Variants in FNDC1 observed in about 807,000 individuals in gnomAD.
FNDC1 encodes fibronectin type III domain containing 1.
A neutral mutation model predicts 168.0 loss-of-function variants in FNDC1; 96 were observed. The ratio of observed to expected loss-of-function variants is 0.57; its 90% CI spans 0.48 to 0.68. The LOEUF (loss-of-function observed/expected upper bound fraction) is 0.68, where lower values mean the gene tolerates loss of function less well. Among genes scored for constraint, FNDC1 ranks in the 30% least tolerant of loss-of-function variants. The probability of loss-of-function intolerance (pLI) is 0.00; values close to 1 mark genes in which losing one functional copy is unlikely to be tolerated. For missense variants in FNDC1, 2,587 were observed against 2,482.1 expected (o/e 1.04, Z -0.90); for synonymous variants, 1,099 against 1,025.9 (o/e 1.07, Z -1.36).
At position 159,239,597 on chromosome 6, in the gene FNDC1, GC is replaced by G; in HGVS notation, c.4264del (p.Gln1422LysfsTer6). 1.3e-6 allele frequency: 2 copies of G among 1,588,242 alleles called. No homozygotes were observed. Among genetic ancestry groups the G allele is most frequent in the African/African-American group, 1.3e-5 (1 of 74,648 alleles). ...QGRHGTPLAN[A>X]QDKPILSLGG... ...GCGACATGGCACACCTCTGGCCAATGCCCAAGATAAGCCAATTTTGAGTCTT... is the reference window on the plus strand; with the variant it reads ...GCGACATGGCACACCTCTGGCCAATGCCAAGATAAGCCAATTTTGAGTCTT... On this transcript the variant is annotated frameshift_variant, in exon 14 of 23. Transcript: ENST00000297267. LOFTEE classifies it high-confidence loss of function.
chr6:159,254,569 G>A (rs963339839), intron 17 of FNDC1, among the ~76,000 whole-genome samples: 30 of 152,062 alleles, frequency 2.0e-4, no homozygotes, highest in South Asian at 1.9e-3. Flanking sequence ...TTAGCTGGGC[G>A]TGGTGGTGGG....
intron 1 of FNDC1, among the ~76,000 whole-genome samples, chr6:159,187,726 A>T (rs944350222): frequency 6.6e-6 from 1 of 152,220 alleles, no homozygotes; most frequent in Non-Finnish European, 1.5e-5. Flanking sequence ...ATATTTGCCA[A>T]ATATAATTCC....
chr6:159,218,373 A>G (rs927596855), intron 5 of FNDC1: 5 of 152,174 alleles, frequency 3.3e-5, no homozygotes, highest in African/African-American at 1.2e-4. Flanking sequence ...TTTCACACAT[A>G]TAAAGCACTA....
In FNDC1 at chr6:159,226,593, C is replaced by T. The variant is rs1378815456; in HGVS notation, c.1180+13C>T. 3 of 1,570,828 alleles carry T rather than the reference C, an allele frequency of 1.9e-6. No individual in the cohort carries two copies. Among genetic ancestry groups the T allele is most frequent in the Non-Finnish European group, 2.6e-6 (3 of 1,151,344 alleles). On this transcript the variant is annotated intron_variant, in intron 9 of 22. Coordinates refer to ENST00000297267, the MANE Select transcript of FNDC1 (RefSeq NM_032532.3). Reference sequence around the variant, plus strand: ...GGGAAAGTGAAAGGTAGGAATCTCACTCCCTAAACTGTAAGATGCATTGAT... The same window carrying T: ...GGGAAAGTGAAAGGTAGGAATCTCATTCCCTAAACTGTAAGATGCATTGAT...
At chr6:159,200,957 G>C (rs1782366903) in intron 4 of FNDC1, among the ~76,000 whole-genome samples, 1 of 152,174 alleles carries the variant, frequency 6.6e-6, no homozygotes, top group Non-Finnish European at 1.5e-5. Flanking sequence ...GGCTTTTATG[G>C]GCTAACATGT....
chr6:159,189,078 A>G (rs1305443489), intron 1 of FNDC1, among the ~76,000 whole-genome samples: 1 of 152,158 alleles, frequency 6.6e-6, no homozygotes, highest in East Asian at 1.9e-4. Flanking sequence ...GAAGATCTTG[A>G]TTAATAATGT....
At chr6:159,173,970 C>T (rs2114914303) in intron 1 of FNDC1, among the ~76,000 whole-genome samples, 1 of 152,294 alleles carries the variant, frequency 6.6e-6, no homozygotes, top group South Asian at 2.1e-4. Flanking sequence ...TCGGGAGAGG[C>T]TCCATCACCC....
chr6:159,238,493 T>C, intron 12 of FNDC1, 61 bp from the exon 13 acceptor site: 1 of 1,153,964 alleles, frequency 8.7e-7, no homozygotes, highest in Non-Finnish European at 1.3e-6. Flanking sequence ...CATATATAAT[T>C]GGACTAATGT....
chr6:159,243,328 C>T, intron 14 of FNDC1: 1 of 152,190 alleles, frequency 6.6e-6, no homozygotes, highest in Non-Finnish European at 1.5e-5. Context: ...ATCTTCCCCA[C>T]CACAGCTGGG....
At position 159,233,646 on chromosome 6, in the gene FNDC1, C is replaced by T. The variant is rs1184235131; in HGVS notation, c.3134C>T (p.Ser1045Leu). ...LTQAGRPRPT[S>L]QGRSHSSSDP... ...CAGGCCGGGCGGCCCCGCCCCACGT[C>T]GCAGGGCCGCTCCCACTCCTCCTCG... Residue 1045 changes from serine (S) to leucine (L), a missense_variant, in exon 11 of 23, where the codon TCG becomes TTG. Ser to Leu is a moderately radical substitution (Grantham distance 145, BLOSUM62 -2). Coordinates refer to ENST00000297267, the MANE Select transcript of FNDC1 (RefSeq NM_032532.3). The surrounding 1 kb of genome is among the most constrained non-coding windows in gnomAD (Gnocchi z 4.6). The T allele has an allele frequency of 6.4e-7, 1 of 1,553,860 alleles. No homozygotes were observed. Among genetic ancestry groups the T allele is most frequent in the Non-Finnish European group, 8.7e-7 (1 of 1,151,038 alleles).
chr6:159,253,911 C>T (rs959475165), intron 17 of FNDC1, among the ~76,000 whole-genome samples: 2 of 152,224 alleles, frequency 1.3e-5, no homozygotes, highest in East Asian at 3.9e-4. Context: ...GACCTCCGTC[C>T]CCTCTGGGGT....
At chr6:159,208,193 G>C (rs1229212062) in intron 4 of FNDC1, among the ~76,000 whole-genome samples, 1 of 152,228 alleles carries the variant, frequency 6.6e-6, no homozygotes, top group African/African-American at 2.4e-5. Flanking sequence ...TGGGGATGGG[G>C]AGTGAGTGAG....
intron 1 of FNDC1, among the ~76,000 whole-genome samples, chr6:159,194,644 T>A (rs1214827552): frequency 6.6e-6 from 1 of 152,216 alleles, no homozygotes; most frequent in Non-Finnish European, 1.5e-5. Flanking sequence ...ATTGCACTCA[T>A]GAGACCTTCA....
Position 159,215,065 on chromosome 6 carries a change from T to G in FNDC1, c.581T>G (p.Phe194Cys). The G allele has an allele frequency of 6.2e-7, 1 of 1,614,032 alleles. No individual in the cohort carries two copies. Among genetic ancestry groups the G allele is most frequent in the Non-Finnish European group, 8.5e-7 (1 of 1,179,886 alleles). The part of the protein sequence containing the change: ...GAKSPRRSRG[F>C]LLGYGESGRK... The stretch of plus-strand genomic sequence containing the variant: ...AAGAGTCCACGCAGATCACGGGGTT[T>G]TCTCCTGGGCTACGGGGAGAGTGGC... The change falls in exon 5 of 23, where the codon TTT becomes TGT. Residue 194 changes from phenylalanine (F) to cysteine (C), a missense_variant. Phe to Cys is a radical substitution (Grantham distance 205). Coordinates refer to ENST00000297267, the MANE Select transcript of FNDC1 (RefSeq NM_032532.3).
intron 22 of FNDC1, 53 bp downstream of exon 22, chr6:159,267,979 T>C (rs1414439719): frequency 6.4e-7 from 1 of 1,564,936 alleles, no homozygotes; most frequent in Non-Finnish European, 8.7e-7. Context: ...AGACAAGGAT[T>C]AATAGAGGGG....
chr6:159,170,610 G>C (rs1397242151), intron 1 of FNDC1, among the ~76,000 whole-genome samples: 4 of 152,154 alleles, frequency 2.6e-5, no homozygotes, highest in Non-Finnish European at 5.9e-5. Flanking sequence ...GACAATGATC[G>C]TCAGATACTA....
chr6:159,234,267 C>T lies in FNDC1; in HGVS notation c.3755C>T (p.Pro1252Leu). Residue 1252 changes from proline to leucine, a missense_variant, in exon 11 of 23, where the codon CCC (proline) becomes CTC (leucine). Coordinates refer to ENST00000297267, the MANE Select transcript of FNDC1 (RefSeq NM_032532.3). ...CTCCCCCCACCTCCAGGCAGCTCCC[C>T]CAGGGCCTCCCACGTCCCTTCCCGA... The part of the protein sequence containing the change: ...RPLPPPPGSS[P>L]RASHVPSRLP... The T allele has an allele frequency of 6.3e-7, 1 of 1,593,956 alleles. No individual in the cohort carries two copies. Among genetic ancestry groups the T allele is most frequent in the Admixed American group, 1.7e-5 (1 of 57,296 alleles).
In FNDC1 at chr6:159,270,240, G is replaced by A. The variant is rs918482389; in HGVS notation, c.5570-1087G>A. 5.3e-5 allele frequency among the ~76,000 whole-genome samples: 8 copies of A among 152,138 alleles called. No individual in the cohort carries two copies. In the East Asian group the frequency reaches 1.5e-3, roughly 29 times the overall value. On this transcript the variant is annotated intron_variant, in intron 22 of 22. Coordinates refer to ENST00000297267, the MANE Select transcript of FNDC1 (RefSeq NM_032532.3). ...TTGGTTTTGTGGCCCCACTGCAAGA[G>A]GACAACAGACTGGGTAACATAGCAA...
chr6:159,192,015 G>A (rs1276887344), intron 1 of FNDC1, among the ~76,000 whole-genome samples: 1 of 152,132 alleles, frequency 6.6e-6, no homozygotes, highest in Non-Finnish European at 1.5e-5. Flanking sequence ...GACTACAGGT[G>A]CACGACACCA....
Sources: allele counts gnomAD v4.1 joint callset (sites outside exome capture counted in the v4.1 genomes callset), GRCh38; gene constraint gnomAD v4.1.1; non-coding constraint Gnocchi (gnomAD v3.1); transcripts MANE v1.5; gene names NCBI Gene and HGNC (gene_info 2026-07-23, HGNC 2026-07-21).